SORD: variants seen among roughly 807,000 people sequenced by gnomAD.
SORD encodes sorbitol dehydrogenase, also known as (R,R)-butanediol dehydrogenase.
In SORD, 18 loss-of-function variants were observed where a neutral mutation model predicts 35.6. The ratio of observed to expected loss-of-function variants is 0.51; its 90% CI spans 0.35 to 0.75. The LOEUF is 0.75. Ranked by LOEUF, SORD falls within the 30% of genes least tolerant of loss-of-function variation. The pLI, the probability that SORD is intolerant of heterozygous loss-of-function variation, is 0.01. For synonymous variants in SORD, 106 were observed against 152.9 expected (o/e 0.69, Z 2.26); for missense variants, 250 against 390.2 (o/e 0.64, Z 3.03).
At chr15:45,047,252 A>T (rs919019016) in intron 3 of SORD, 2 of 152,008 alleles carry the variant, frequency 1.3e-5, no homozygotes, top group African/African-American at 4.8e-5. Flanking sequence ...ACTATGTACC[A>T]GGACTCTACA....
At chr15:45,035,108 A>G (rs574064757) in intron 1 of SORD, among the ~76,000 whole-genome samples, 48 of 151,920 alleles carry the variant, frequency 3.2e-4, no homozygotes, top group Non-Finnish European at 5.4e-4. Flanking sequence ...GCCATGCCTG[A>G]CCCTTCCCCC....
chr15:45,024,176 T>C (rs1227428170), intron 1 of SORD, among the ~76,000 whole-genome samples: 1 of 152,174 alleles, frequency 6.6e-6, no homozygotes, highest in African/African-American at 2.4e-5. Context: ...CTTGACAAAG[T>C]CCCTCTCAGA....
At chr15:45,039,023 C>T (rs1365213295) in intron 1 of SORD, among the ~76,000 whole-genome samples, 1 of 152,214 alleles carries the variant, frequency 6.6e-6, no homozygotes, top group African/African-American at 2.4e-5. Flanking sequence ...AGTTATTTAA[C>T]TTCGCAGCTT....
At chr15:45,053,007 C>T (rs931879073) in intron 3 of SORD, among the ~76,000 whole-genome samples, 2 of 152,014 alleles carry the variant, frequency 1.3e-5, no homozygotes, top group Admixed American at 6.6e-5. Context: ...GCAGTTGGCT[C>T]GAGAATACAG....
chr15:45,067,910 G>A (rs1893433334), intron 5 of SORD, among the ~76,000 whole-genome samples: 1 of 152,184 alleles, frequency 6.6e-6, no homozygotes, highest in Admixed American at 6.5e-5. Flanking sequence ...ATCTCCACTA[G>A]TGCCCAGGAG....
At chr15:45,052,245 C>G (rs1893136608) in intron 3 of SORD, among the ~76,000 whole-genome samples, 1 of 152,170 alleles carries the variant, frequency 6.6e-6, no homozygotes, top group Non-Finnish European at 1.5e-5. Context: ...GCCAGAGACT[C>G]CAATGTAGCT....
intron 1 of SORD, among the ~76,000 whole-genome samples, chr15:45,026,345 A>G (rs569885207): frequency 1.1e-4 from 16 of 152,314 alleles, no homozygotes; most frequent in African/African-American, 1.9e-4. Context: ...TGAAACCCAG[A>G]ATTTCCTGGG....
rs1200678968 is a variant in SORD at position 45,061,211 on chromosome 15, C to G, written c.410C>G (p.Ala137Gly). ...CTCTGCCGGTTCTATAAGCACAATG[C>G]AGCCTTTTGTTACAAGTTAGTGTCC... ...GNLCRFYKHNAAFCYKLPDNV... is the reference protein window; with the variant it reads ...GNLCRFYKHNGAFCYKLPDNV... The change falls in exon 4 of 9, where the codon GCA (alanine) becomes GGA (glycine). Residue 137 changes from alanine (A) to glycine (G), a missense_variant. Physicochemically the swap from Ala to Gly is moderately conservative, Grantham distance 60. Transcript: ENST00000267814. 5 of 1,614,226 alleles carry G rather than the reference C, an allele frequency of 3.1e-6. No homozygotes were observed. In the Admixed American group the frequency reaches 5.0e-5, roughly 16 times the overall value.
chr15:45,069,194 CTTTTTTTTTTTTTTTTTT>C lies in SORD; in HGVS notation c.786+155_786+172del, dbSNP rs752540495. ...CTTTTGCCATCTATGTTTTCTTTTT[CTTTTTTTTTTTTTTTTTT>C]TTTTTTTTTTTTGAGACAGAGTCTC... On this transcript the variant is annotated intron_variant, in intron 7 of 8. Transcript: ENST00000267814. 8.5e-5 allele frequency: 10 copies of C among 116,970 alleles called. No individual in the cohort carries two copies. In the South Asian group the frequency reaches 2.5e-3, roughly 29 times the overall value. The allele number at this position is 116,970 out of a possible 1,614,324, so 7.2% of individuals were successfully genotyped here.
intron 1 of SORD, among the ~76,000 whole-genome samples, chr15:45,036,626 C>T (rs909568670): frequency 6.6e-6 from 1 of 152,120 alleles, no homozygotes; most frequent in Non-Finnish European, 1.5e-5. Flanking sequence ...CACTTGAGTT[C>T]AGGAGGTTGA....
chr15:45,060,005 A>G (rs1216942562), intron 3 of SORD, among the ~76,000 whole-genome samples: 2 of 152,230 alleles, frequency 1.3e-5, no homozygotes, highest in Non-Finnish European at 2.9e-5. Context: ...ACAGAGGAAT[A>G]AGATTTCTGA....
At position 45,061,225 on chromosome 15, in the gene SORD, A is replaced by G; in HGVS notation, c.424A>G (p.Lys142Glu). The stretch of plus-strand genomic sequence containing the variant: ...TAAGCACAATGCAGCCTTTTGTTAC[A>G]AGTTAGTGTCCACAGTCCCACTGGG... The part of the protein sequence containing the change: ...FYKHNAAFCY[K>E]LPDNVTFEEG... The change falls in exon 4 of 9, where the codon AAG (lysine) becomes GAG (glutamate). Residue 142 changes from lysine (K) to glutamate (E), a missense_variant and splice_region_variant. By Grantham distance (56) the Lys-to-Glu change is moderately conservative (BLOSUM62 1). Transcript: ENST00000267814. 6.2e-7 allele frequency: 1 copy of G among 1,613,942 alleles called. No homozygotes were observed. The highest frequency in any genetic ancestry group is 8.5e-7 in the Non-Finnish European group (1 of 1,179,968).
chr15:45,058,217 G>C (rs1258693635), intron 3 of SORD, among the ~76,000 whole-genome samples: 1 of 152,182 alleles, frequency 6.6e-6, no homozygotes, highest in Non-Finnish European at 1.5e-5. Flanking sequence ...TTAGTTCGGG[G>C]GCCTTCAGAT....
chr15:45,032,574 G>C (rs2470675), intron 1 of SORD, among the ~76,000 whole-genome samples: 1 of 152,172 alleles, frequency 6.6e-6, no homozygotes, highest in South Asian at 2.1e-4. Context: ...TTGGAAGTGA[G>C]ATGGGGGTGT....
intron 7 of SORD, among the ~76,000 whole-genome samples, chr15:45,069,662 G>A (rs1893477371): frequency 6.6e-6 from 1 of 152,170 alleles, no homozygotes; most frequent in Non-Finnish European, 1.5e-5. Flanking sequence ...TGTTAAAAGT[G>A]CAGTAGTTTT....
At chr15:45,039,276 G>A (rs917389058) in intron 1 of SORD, among the ~76,000 whole-genome samples, 4 of 152,062 alleles carry the variant, frequency 2.6e-5, no homozygotes, top group African/African-American at 4.8e-5. Flanking sequence ...CTACAGGCGC[G>A]TGCCACCACG....
At chr15:45,069,227 G>C (rs1362664954) in intron 7 of SORD, among the ~76,000 whole-genome samples, 175 bp downstream of exon 7, 1 of 71,358 alleles carries the variant, frequency 1.4e-5, no homozygotes, top group African/African-American at 4.7e-5. Context: ...TTTTTTTTGA[G>C]ACAGAGTCTC....
intron 1 of SORD, among the ~76,000 whole-genome samples, chr15:45,023,730 G>A (rs1352834934): frequency 1.3e-5 from 2 of 152,252 alleles, no homozygotes; most frequent in Non-Finnish European, 2.9e-5. Flanking sequence ...ACCGTGCAGA[G>A]CAGAGAAAGG....
chr15:45,036,415 G>T (rs1209311750), intron 1 of SORD: 4 of 453,406 alleles, frequency 8.8e-6, no homozygotes. Flanking sequence ...AATTCGGCCA[G>T]GCACAGTGGC....
Sources: gnomAD v4.1 joint callset for allele counts (sites outside exome capture counted in the v4.1 genomes callset) on GRCh38, gnomAD v4.1.1 for gene constraint, MANE v1.5 for transcripts, NCBI Gene and HGNC (gene_info 2026-07-23, HGNC 2026-07-21) for gene names.